Variants in RPH3AL observed in about 807,000 individuals in gnomAD.
The protein encoded by RPH3AL is rab effector Noc2.
In RPH3AL, 38 loss-of-function variants were observed where a neutral mutation model predicts 43.1. The observed-to-expected ratio is 0.88, with a 90% CI of 0.68 to 1.15. The LOEUF (loss-of-function observed/expected upper bound fraction) is 1.15. Among genes scored for constraint, RPH3AL ranks in the 50% most tolerant of loss-of-function variants. RPH3AL has a pLI of 0.00. For missense variants in RPH3AL, 462 were observed against 423.2 expected, an observed-to-expected ratio of 1.09 and a Z score of -0.81; for synonymous variants, 189 against 176.3, an observed-to-expected ratio of 1.07 and a Z score of -0.57.
chr17:325,770 G>A (rs576849647), intron 3 of RPH3AL, among the ~76,000 whole-genome samples: 483 of 152,294 alleles, frequency 3.2e-3, no homozygotes, highest in Middle Eastern at 0.01. Context: ...ACATAGTAGG[G>A]GTTTAGAAAA....
At chr17:334,671 C>T (rs918555562) in intron 1 of RPH3AL, among the ~76,000 whole-genome samples, 2 of 143,564 alleles carry the variant, frequency 1.4e-5, no homozygotes. Flanking sequence ...AGGGCCAGCC[C>T]GTCCACTGTG....
intron 1 of RPH3AL, among the ~76,000 whole-genome samples, chr17:341,952 G>C (rs1381339798): frequency 2.0e-5 from 3 of 152,162 alleles, no homozygotes; most frequent in Non-Finnish European, 4.4e-5. Context: ...GAAGATATTT[G>C]CAAACCATAT....
At chr17:315,156 TCCC>T (rs2151670495) in intron 5 of RPH3AL, among the ~76,000 whole-genome samples, 2 of 146,940 alleles carry the variant, frequency 1.4e-5, no homozygotes, top group African/African-American at 2.5e-5. Context: ...TGACCTGTAG[TCCC>T]TGTGCCCCCA....
chr17:263,300 A>G (rs1358582280), intron 6 of RPH3AL, among the ~76,000 whole-genome samples: 3 of 152,236 alleles, frequency 2.0e-5, no homozygotes, highest in Non-Finnish European at 4.4e-5. Flanking sequence ...AAGAGCCGAA[A>G]GTAATAACAC....
At chr17:231,787 T>C (rs1014111041) in intron 7 of RPH3AL, among the ~76,000 whole-genome samples, 1 of 152,240 alleles carries the variant, frequency 6.6e-6, no homozygotes, top group Non-Finnish European at 1.5e-5. Flanking sequence ...GCAGCTGGAA[T>C]TGACCAATCA....
At chr17:254,423 T>A (rs1597946921) in intron 6 of RPH3AL, among the ~76,000 whole-genome samples, 2 of 12,526 alleles carry the variant, frequency 1.6e-4, no homozygotes, top group Admixed American at 8.5e-4. Flanking sequence ...GTGACTACCC[T>A]ACGTACTTCC....
chr17:272,885 C>T (rs748485884), intron 6 of RPH3AL, among the ~76,000 whole-genome samples: 3 of 151,170 alleles, frequency 2.0e-5, no homozygotes, highest in Middle Eastern at 3.4e-3. Flanking sequence ...AAATAAAGAC[C>T]CAGCCTCAGT....
Position 346,037 on chromosome 17 carries a change from T to C in RPH3AL, c.-213+6675A>G. Reference sequence around the variant, plus strand: ...AGAACCACCATTGAGGGCTTACCATTTGCAAGGTTTAGTTCCAAGTGCTTA... The same window carrying C: ...AGAACCACCATTGAGGGCTTACCATCTGCAAGGTTTAGTTCCAAGTGCTTA... On this transcript the variant is annotated intron_variant, in intron 1 of 9. Transcript: ENST00000331302. Among the ~76,000 whole-genome samples, 2 of 135,338 alleles carry C rather than the reference T, an allele frequency of 1.5e-5. 1 individual carries two copies. The highest frequency in any genetic ancestry group is 3.4e-5 in the Non-Finnish European group (2 of 59,352). 88.8% of individuals were successfully genotyped at this position (135,338 alleles called of 152,430 possible).
chr17:296,681 C>T lies in RPH3AL; in HGVS notation c.352-14827G>A, dbSNP rs142782658. ...AGGGGCTGTGGGGGCAGTCAGAACC[C>T]GCAGGGCCCAAAGACGGGCTGTTCA... On this transcript the variant is annotated intron_variant, in intron 5 of 9. Transcript: ENST00000331302. Among the ~76,000 whole-genome samples the T allele has an allele frequency of 6.0e-3, 909 of 152,312 alleles. 10 individuals carry two copies. Among genetic ancestry groups the T allele is most frequent in the African/African-American group, 0.021 (852 of 41,560 alleles).
At chr17:251,819 G>A (rs887078453) in intron 6 of RPH3AL, among the ~76,000 whole-genome samples, 5 of 152,202 alleles carry the variant, frequency 3.3e-5, no homozygotes, top group African/African-American at 4.8e-5. Flanking sequence ...CCCTGAGCAC[G>A]TCACCTCCCT....
intron 1 of RPH3AL, among the ~76,000 whole-genome samples, chr17:347,097 A>C (rs1289743348): frequency 7.5e-6 from 1 of 134,116 alleles, no homozygotes; most frequent in African/African-American, 2.6e-5. Context: ...TCTCTACTAA[A>C]AATACAAAAA....
chr17:257,803 T>C (rs12937637), intron 6 of RPH3AL, among the ~76,000 whole-genome samples: 76 of 7,008 alleles, frequency 0.011, 3 homozygotes, highest in East Asian at 0.016. Context: ...AGCCGCACGG[T>C]GTCTGTCCTG....
chr17:279,869 C>T (rs985269744), intron 6 of RPH3AL, among the ~76,000 whole-genome samples: 1 of 152,194 alleles, frequency 6.6e-6, no homozygotes, highest in African/African-American at 2.4e-5. Context: ...TATGGAATAT[C>T]TATGCTGGAG....
chr17:301,333 T>A (rs2043322567), intron 5 of RPH3AL, among the ~76,000 whole-genome samples: 1 of 152,222 alleles, frequency 6.6e-6, no homozygotes, highest in Non-Finnish European at 1.5e-5. Flanking sequence ...AGACAGGGTC[T>A]CACGCTGTCA....
chr17:344,192 CCCT>C (rs2045192317), intron 1 of RPH3AL, among the ~76,000 whole-genome samples: 4 of 132,072 alleles, frequency 3.0e-5, no homozygotes, highest in African/African-American at 1.0e-4. Flanking sequence ...ACTATAATCA[CCCT>C]CATCATCATC....
At chr17:351,209 A>G (rs9902299) in intron 1 of RPH3AL, among the ~76,000 whole-genome samples, 65,087 of 151,964 alleles carry the variant, frequency 0.43, 14,163 homozygotes, top group Admixed American at 0.51. Flanking sequence ...GTCCTTGGCT[A>G]TGGCCCTAGT....
chr17:341,961 A>G (rs7405788), intron 1 of RPH3AL, among the ~76,000 whole-genome samples: 7,971 of 152,292 alleles, frequency 0.052, 621 homozygotes, highest in African/African-American at 0.16. Flanking sequence ...TGCAAACCAT[A>G]TATCTCATAA....
intron 6 of RPH3AL, among the ~76,000 whole-genome samples, chr17:279,715 A>G (rs2042733823): frequency 6.6e-6 from 1 of 152,156 alleles, no homozygotes; most frequent in Admixed American, 6.5e-5. Flanking sequence ...TTCATCCCAC[A>G]AAGTGTCTCC....
At chr17:248,965 C>A (rs537989988) in intron 6 of RPH3AL, among the ~76,000 whole-genome samples, 2 of 152,294 alleles carry the variant, frequency 1.3e-5, no homozygotes, top group East Asian at 3.9e-4. Flanking sequence ...CAGGCTGGAC[C>A]ACATCACAGC....
Sources: gnomAD v4.1 joint callset for allele counts (sites outside exome capture counted in the v4.1 genomes callset) on GRCh38, gnomAD v4.1.1 for gene constraint, MANE v1.5 for transcripts, NCBI Gene and HGNC (gene_info 2026-07-23, HGNC 2026-07-21) for gene names.